MSR1: variants seen among roughly 807,000 people sequenced by gnomAD.
MSR1 encodes the protein macrophage scavenger receptor types I and II.
In MSR1, 53 loss-of-function variants were observed where a neutral mutation model predicts 47.2. That is an observed-to-expected ratio of 1.12 (90% CI 0.90 to 1.41). MSR1 has a LOEUF of 1.41. Ranked by LOEUF, MSR1 falls within the 40% of genes most tolerant of loss-of-function variation. The pLI, the probability that MSR1 is intolerant of heterozygous loss-of-function variation, is 0.00. For synonymous variants in MSR1, 239 were observed against 185.6 expected, an observed-to-expected ratio of 1.29 and a Z score of -2.34; for missense variants, 786 against 546.9, an observed-to-expected ratio of 1.44 and a Z score of -4.36.
intron 8 of MSR1, among the ~76,000 whole-genome samples, chr8:16,137,432 T>TTCTC (rs137898381): frequency 6.6e-6 from 1 of 151,952 alleles, no homozygotes; most frequent in Non-Finnish European, 1.5e-5. Context: ...TTTTCTGCCT[T>TTCTC]TCTCTCTCTC....
rs935806729 is a variant in MSR1, at chr8:16,189,848, A to C, written c.-5+2750T>G. On this transcript the variant is annotated intron_variant, in intron 1 of 9. Coordinates refer to ENST00000262101, the MANE Select transcript of MSR1 (RefSeq NM_138715.3). ...TTTCTAAAATATAATTTTTTCTTTT[A>C]AACTTTTTTTCCTTTTCCCAGGGGG... Among the ~76,000 whole-genome samples, 5 of 146,248 alleles carry C rather than the reference A, an allele frequency of 3.4e-5. No homozygotes were observed. The East Asian group carries it at 9.9e-4, about 29-fold the overall frequency.
chr8:16,141,230 C>T (rs1425301473), intron 8 of MSR1: 2 of 637,956 alleles, frequency 3.1e-6, no homozygotes, highest in African/African-American at 3.7e-5. Flanking sequence ...CAGCCATTTA[C>T]AATAATTCAT....
Position 16,169,366 on chromosome 8 carries a change from ATCT to A in MSR1, c.218-499_218-497del, listed in dbSNP as rs35262544. ...CATAATATGGATAAATTGTTGGTTTATCTTCTTCATTCTTTCACTTGAGCTGCC... is the reference window on the plus strand; with the variant it reads ...CATAATATGGATAAATTGTTGGTTTATCTTCATTCTTTCACTTGAGCTGCC... On this transcript the variant is annotated intron_variant, in intron 3 of 9. Coordinates refer to ENST00000262101, the MANE Select transcript of MSR1 (RefSeq NM_138715.3). 3.9e-3 allele frequency among the ~76,000 whole-genome samples: 598 copies of A among 152,294 alleles called. 22 individuals are homozygous for A. In the East Asian group the frequency reaches 0.096, roughly 25 times the overall value.
At chr8:16,112,892 T>C (rs351546) in intron 9 of MSR1, among the ~76,000 whole-genome samples, 5,861 of 151,414 alleles carry the variant, frequency 0.039, 398 homozygotes, top group African/African-American at 0.13. Flanking sequence ...TATGATTTCC[T>C]TTATAATTTG....
At chr8:16,177,181 A>C (rs35460443) in intron 2 of MSR1, among the ~76,000 whole-genome samples, 1 of 152,320 alleles carries the variant, frequency 6.6e-6, no homozygotes, top group South Asian at 2.1e-4. Flanking sequence ...GATATGTTAA[A>C]GTTTTAACCA....
chr8:16,111,210 G>C (rs1390835406), intron 9 of MSR1, among the ~76,000 whole-genome samples: 1 of 151,986 alleles, frequency 6.6e-6, no homozygotes. Context: ...TAAAAATACA[G>C]GCAAATAAAA....
At chr8:16,133,160 A>G (rs1324354759) in intron 8 of MSR1, among the ~76,000 whole-genome samples, 1 of 152,190 alleles carries the variant, frequency 6.6e-6, no homozygotes, top group African/African-American at 2.4e-5. Context: ...AAATCACAAA[A>G]TATAAATTTT....
intron 5 of MSR1, among the ~76,000 whole-genome samples, chr8:16,160,127 T>C (rs979057753): frequency 6.6e-6 from 1 of 152,020 alleles, no homozygotes; most frequent in African/African-American, 2.4e-5. Flanking sequence ...AGAGTCTTTA[T>C]GCAATCTAAG....
chr8:16,130,921 G>A (rs770991004), intron 8 of MSR1, among the ~76,000 whole-genome samples: 1 of 152,048 alleles, frequency 6.6e-6, no homozygotes, highest in Non-Finnish European at 1.5e-5. Flanking sequence ...TTGCTATTGT[G>A]AATAGTGCTG....
chr8:16,178,698 T>G (rs1801734857), intron 1 of MSR1, among the ~76,000 whole-genome samples: 1 of 152,172 alleles, frequency 6.6e-6, no homozygotes, highest in South Asian at 2.1e-4. Flanking sequence ...CCACAAGGGT[T>G]GAACTAGTTT....
chr8:16,191,808 T>G (rs1188444415), intron 1 of MSR1, among the ~76,000 whole-genome samples: 2 of 152,210 alleles, frequency 1.3e-5, no homozygotes, highest in Non-Finnish European at 2.9e-5. Context: ...AATGCCAACC[T>G]CCCATTATAT....
intron 5 of MSR1, among the ~76,000 whole-genome samples, chr8:16,155,764 A>G (rs1800988183): frequency 6.6e-6 from 1 of 151,968 alleles, no homozygotes; most frequent in African/African-American, 2.4e-5. Flanking sequence ...CTAGGGATTG[A>G]GAAAGGCATG....
At chr8:16,177,763 T>C in intron 2 of MSR1, 123 bp downstream of exon 2, 1 of 751,716 alleles carries the variant, frequency 1.3e-6, no homozygotes, top group Non-Finnish European at 2.3e-6. Flanking sequence ...ATACCCCTGT[T>C]GGTCAAATAA....
chr8:16,136,673 G>C (rs187211889), intron 8 of MSR1, among the ~76,000 whole-genome samples: 369 of 152,178 alleles, frequency 2.4e-3, no homozygotes, highest in Middle Eastern at 0.014. Context: ...CATGATCTCA[G>C]CTCACTGCAA....
chr8:16,171,858 A>G (rs561213070), intron 3 of MSR1, among the ~76,000 whole-genome samples: 2 of 152,274 alleles, frequency 1.3e-5, no homozygotes, highest in Non-Finnish European at 1.5e-5. Flanking sequence ...AAGTTACTTA[A>G]TCTGTTATTG....
chr8:16,120,796 T>C (rs1209546814), intron 8 of MSR1, 190 bp from the exon 9 acceptor site: 3 of 739,274 alleles, frequency 4.1e-6, no homozygotes, highest in South Asian at 2.0e-5. Context: ...ACTGCAAATA[T>C]TGCAGCTTTA....
intron 1 of MSR1, among the ~76,000 whole-genome samples, chr8:16,189,176 T>G (rs1188964610): frequency 6.9e-6 from 1 of 144,368 alleles, no homozygotes; most frequent in East Asian, 2.0e-4. Context: ...ATTTTACATA[T>G]ATTTCATATA....
At chr8:16,183,347 A>G (rs1801891800) in intron 1 of MSR1, among the ~76,000 whole-genome samples, 1 of 151,872 alleles carries the variant, frequency 6.6e-6, no homozygotes, top group African/African-American at 2.4e-5. Context: ...ACTCTGAACG[A>G]GTAGGGACCA....
intron 9 of MSR1, 116 bp from the exon 10 acceptor site, chr8:16,110,334 G>A (rs1255086565): frequency 8.5e-7 from 1 of 1,182,530 alleles, no homozygotes; most frequent in Non-Finnish European, 1.2e-6. Flanking sequence ...ATTATTTTCT[G>A]TATGCAAGTT....
Sources: gnomAD v4.1 joint callset for allele counts (sites outside exome capture counted in the v4.1 genomes callset) on GRCh38, gnomAD v4.1.1 for gene constraint, MANE v1.5 for transcripts, NCBI Gene and HGNC (gene_info 2026-07-23, HGNC 2026-07-21) for gene names.